GOLIM4: variants seen among roughly 807,000 people sequenced by gnomAD.
GOLIM4 encodes 130 kDa golgi-localized phosphoprotein.
A neutral mutation model predicts 107.4 loss-of-function variants in GOLIM4; 71 were observed. The observed-to-expected ratio is 0.66, with a 90% CI of 0.55 to 0.81. The LOEUF is 0.81. GOLIM4 is among the 30% of genes least tolerant of loss of function. GOLIM4 has a pLI of 0.00. For missense variants in GOLIM4, 830 were observed against 826.1 expected (o/e 1.00, Z -0.06); for synonymous variants, 327 against 294.8 (o/e 1.11, Z -1.12).
intron 12 of GOLIM4, among the ~76,000 whole-genome samples, chr3:168,027,292 C>T (rs1718045779): frequency 6.6e-6 from 1 of 152,134 alleles, no homozygotes; most frequent in Non-Finnish European, 1.5e-5. Context: ...CAGAGAGTCA[C>T]ACAAATACCT....
chr3:168,077,629 A>C (rs1721138057), intron 1 of GOLIM4, among the ~76,000 whole-genome samples: 1 of 152,216 alleles, frequency 6.6e-6, no homozygotes, highest in Non-Finnish European at 1.5e-5. Flanking sequence ...AACAAAAACT[A>C]ATATATTGAC....
At chr3:168,068,265 T>C (rs1720650804) in intron 1 of GOLIM4, among the ~76,000 whole-genome samples, 2 of 152,142 alleles carry the variant, frequency 1.3e-5, no homozygotes, top group Non-Finnish European at 2.9e-5. Context: ...GGATGCATTT[T>C]TCTGTTAGGC....
chr3:168,049,335 C>T (rs1719490496), intron 1 of GOLIM4, among the ~76,000 whole-genome samples: 1 of 152,196 alleles, frequency 6.6e-6, no homozygotes, highest in African/African-American at 2.4e-5. Context: ...TTTATGAATA[C>T]AAGTTTTGAA....
intron 1 of GOLIM4, among the ~76,000 whole-genome samples, chr3:168,063,851 C>G (rs966015604): frequency 4.0e-5 from 6 of 151,862 alleles, no homozygotes; most frequent in African/African-American, 1.5e-4. Context: ...ACCTGCACAT[C>G]CTGCACATGT....
chr3:168,011,173 T>C (rs185988148), intron 14 of GOLIM4, among the ~76,000 whole-genome samples: 1 of 149,386 alleles, frequency 6.7e-6, no homozygotes, highest in Non-Finnish European at 1.5e-5. Flanking sequence ...TGGGTGCAGG[T>C]CAGTGGGTGC....
chr3:168,035,400 C>A (rs1352923095), intron 8 of GOLIM4, among the ~76,000 whole-genome samples: 1 of 152,108 alleles, frequency 6.6e-6, no homozygotes, highest in African/African-American at 2.4e-5. Context: ...AACCTAAATG[C>A]CCACCAATTA....
chr3:168,026,315 G>C (rs1717994181), intron 12 of GOLIM4, among the ~76,000 whole-genome samples: 1 of 152,116 alleles, frequency 6.6e-6, no homozygotes, highest in East Asian at 1.9e-4. Flanking sequence ...CAGGAAAAAT[G>C]TAACATATTC....
chr3:168,041,498 C>A (rs1199730737), intron 5 of GOLIM4, 24 bp from the exon 6 acceptor site: 4 of 1,119,152 alleles, frequency 3.6e-6, no homozygotes, highest in Non-Finnish European at 5.4e-6. Flanking sequence ...AGAAGGATCA[C>A]ACATAAAGCC....
intron 1 of GOLIM4, among the ~76,000 whole-genome samples, chr3:168,054,857 A>G (rs1325690692): frequency 6.6e-6 from 1 of 152,062 alleles, no homozygotes; most frequent in Non-Finnish European, 1.5e-5. Context: ...TAATTTAATC[A>G]TGGGGCAGGT....
intron 1 of GOLIM4, among the ~76,000 whole-genome samples, chr3:168,084,687 T>C (rs930687488): frequency 1.3e-5 from 2 of 152,180 alleles, no homozygotes; most frequent in South Asian, 2.1e-4. Flanking sequence ...ATAACTAATA[T>C]AGATTTTGAA....
At chr3:168,053,013 C>T (rs766271827) in intron 1 of GOLIM4, among the ~76,000 whole-genome samples, 1 of 152,166 alleles carries the variant, frequency 6.6e-6, no homozygotes, top group Non-Finnish European at 1.5e-5. Flanking sequence ...CCATAATACT[C>T]ATCTCATCTC....
At position 168,032,793 on chromosome 3, in the gene GOLIM4, G is replaced by A; in HGVS notation, c.903C>T (p.Asp301=). 6.2e-7 allele frequency: 1 copy of A among 1,613,986 alleles called. No homozygotes were observed. Among genetic ancestry groups the A allele is most frequent in the Non-Finnish European group, 8.5e-7 (1 of 1,179,950 alleles). Residue 301 remains aspartate (D), a synonymous_variant, in exon 9 of 16, where the codon GAC becomes GAT. Transcript: ENST00000470487. The part of the protein sequence containing the change: ...NHEAVPGRAE[D]TKLYAPTHKE... ...TATGGGTGGGAGCATAGAGTTTTGT[G>A]TCTTCTGCTCTTCCAGGAACTGCTT...
At chr3:168,037,792 ATTACT>A (rs933814652) in intron 7 of GOLIM4, among the ~76,000 whole-genome samples, 2 of 152,236 alleles carry the variant, frequency 1.3e-5, no homozygotes, top group African/African-American at 4.8e-5. Flanking sequence ...AAAAAAATCA[ATTACT>A]TTAATTAACA....
At chr3:168,034,166 A>C (rs1718509190) in intron 8 of GOLIM4, among the ~76,000 whole-genome samples, 1 of 152,204 alleles carries the variant, frequency 6.6e-6, no homozygotes. Context: ...CGACATCCTC[A>C]CATATCTGGC....
chr3:168,070,152 G>A (rs772557442), intron 1 of GOLIM4, among the ~76,000 whole-genome samples: 14 of 152,298 alleles, frequency 9.2e-5, no homozygotes, highest in Non-Finnish European at 1.6e-4. Context: ...CCAGCACTTT[G>A]GGAGGCCTAG....
rs181859736 is a variant in GOLIM4 at position 168,017,465 on chromosome 3, C to G, written c.1861-6642G>C. ...TGTTTGTGTCACTGCACAACAGCCT[C>G]GATGACTCAGCAAGACCCTGTCTCC... On this transcript the variant is annotated intron_variant, in intron 14 of 15. Coordinates refer to ENST00000470487, the MANE Select transcript of GOLIM4 (RefSeq NM_014498.5). Among the ~76,000 whole-genome samples, 307 of 152,058 alleles carry G rather than the reference C, an allele frequency of 2.0e-3. 2 individuals carry two copies. The highest frequency in any genetic ancestry group is 7.0e-3 in the African/African-American group (288 of 41,438).
chr3:168,052,850 T>C (rs75064172), intron 1 of GOLIM4, among the ~76,000 whole-genome samples: 4,746 of 152,290 alleles, frequency 0.031, 234 homozygotes, highest in African/African-American at 0.11. Context: ...CAAAAAGCTA[T>C]ATATTGAATA....
At chr3:168,019,942 A>C (rs1470678052) in intron 14 of GOLIM4, among the ~76,000 whole-genome samples, 2 of 137,912 alleles carry the variant, frequency 1.5e-5, no homozygotes, top group African/African-American at 7.1e-5. Flanking sequence ...AATTGCTTCA[A>C]TTAGGGGTTA....
chr3:168,092,881 G>T (rs1721982511), intron 1 of GOLIM4, among the ~76,000 whole-genome samples: 1 of 152,212 alleles, frequency 6.6e-6, no homozygotes. Context: ...TAGCCTGCTT[G>T]TGAAATAATT....
Sources: gnomAD v4.1 joint callset for allele counts (sites outside exome capture counted in the v4.1 genomes callset) on GRCh38, gnomAD v4.1.1 for gene constraint, MANE v1.5 for transcripts, NCBI Gene and HGNC (gene_info 2026-07-23, HGNC 2026-07-21) for gene names.